The following RARS2 variants were observed in gnomAD, a reference collection of about 807,000 sequenced individuals.
The protein encoded by RARS2 is arginyl-tRNA synthetase 2, mitochondrial.
A neutral mutation model predicts 88.5 loss-of-function variants in RARS2; 67 were observed. The observed-to-expected ratio is 0.76, with a 90% CI of 0.62 to 0.93. RARS2 has a LOEUF of 0.93. Among genes scored for constraint, RARS2 ranks in the 40% least tolerant of loss-of-function variants. The pLI is 0.00. For synonymous variants in RARS2, 239 were observed against 230.3 expected (o/e 1.04, Z -0.34); for missense variants, 664 against 684.2 (o/e 0.97, Z 0.33).
chr6:87,522,037 G>A (rs1774029818), intron 11 of RARS2, among the ~76,000 whole-genome samples: 1 of 152,120 alleles, frequency 6.6e-6, no homozygotes, highest in African/African-American at 2.4e-5. Flanking sequence ...GCATTTAAAA[G>A]ACCATAAAGT....
intron 2 of RARS2, among the ~76,000 whole-genome samples, chr6:87,567,435 T>C (rs969362626): frequency 6.6e-6 from 1 of 152,248 alleles, no homozygotes; most frequent in Admixed American, 6.5e-5. Context: ...ACAGACTTGA[T>C]AGCCATTGGC....
chr6:87,558,595 T>C (rs1450460088), intron 4 of RARS2, among the ~76,000 whole-genome samples: 1 of 152,312 alleles, frequency 6.6e-6, no homozygotes, highest in African/African-American at 2.4e-5. Context: ...ATTAAGACTA[T>C]AATGGAGCTG....
chr6:87,545,814 C>G, intron 6 of RARS2, 115 bp from the exon 7 acceptor site: 1 of 1,236,818 alleles, frequency 8.1e-7, no homozygotes. Flanking sequence ...CTAAATTTAC[C>G]AACTCAATGT....
At chr6:87,547,996 C>T (rs186518749) in intron 6 of RARS2, among the ~76,000 whole-genome samples, 54 of 152,242 alleles carry the variant, frequency 3.5e-4, no homozygotes, top group Admixed American at 1.4e-3. Flanking sequence ...GCTCACATGA[C>T]CGAGGTGAAT....
chr6:87,519,649 T>C lies in RARS2; in HGVS notation c.1171A>G (p.Thr391Ala). 6.2e-7 allele frequency: 1 copy of C among 1,612,926 alleles called. No homozygotes were observed. Among genetic ancestry groups the C allele is most frequent in the Non-Finnish European group, 8.5e-7 (1 of 1,178,898 alleles). The change falls in exon 14 of 20, where the codon ACT becomes GCT. Residue 391 changes from threonine to alanine, a missense_variant. Transcript: ENST00000369536. ...QGMKTRRGDV[T>A]FLEDVLNEIQ... is the part of the protein sequence containing the mutation. ...TCATTTAAAACATCTTCCAGGAAAG[T>C]GACATCTCCTCTTCGAGTCTTCATT...
At position 87,527,702 on chromosome 6, in the gene RARS2, G is replaced by A. The variant is rs1359716099; in HGVS notation, c.878+1840C>T. Among the ~76,000 whole-genome samples the A allele has an allele frequency of 7.9e-5, 12 of 151,722 alleles. No individual in the cohort carries two copies. In the South Asian group the frequency reaches 2.5e-3, roughly 32 times the overall value. On this transcript the variant is annotated intron_variant, in intron 10 of 19. Coordinates refer to ENST00000369536, the MANE Select transcript of RARS2 (RefSeq NM_020320.5). ...AATATATAAGGAACTCAACTCAATG[G>A]AAAAACAACAACAAAAAAACTAAAC...
At chr6:87,524,531 T>C in intron 11 of RARS2, 26 bp downstream of exon 11, 1 of 1,526,480 alleles carries the variant, frequency 6.6e-7, no homozygotes. Context: ...TAGAACCAAA[T>C]GTTGACCCTC....
intron 5 of RARS2, among the ~76,000 whole-genome samples, chr6:87,550,981 A>T (rs1435969739): frequency 6.6e-6 from 1 of 152,068 alleles, no homozygotes; most frequent in Non-Finnish European, 1.5e-5. Context: ...TCTCTTTGTA[A>T]TCTCTGAATT....
intron 11 of RARS2, among the ~76,000 whole-genome samples, chr6:87,522,427 T>C (rs1156559722): frequency 6.6e-6 from 1 of 150,820 alleles, no homozygotes; most frequent in Non-Finnish European, 1.5e-5. Flanking sequence ...AGTTTGCATA[T>C]GAAATAATGA....
intron 8 of RARS2, among the ~76,000 whole-genome samples, chr6:87,533,226 A>G (rs547121605): frequency 3.3e-5 from 5 of 152,110 alleles, no homozygotes; most frequent in Non-Finnish European, 5.9e-5. Flanking sequence ...TTTTAGAAAA[A>G]ACTTCACCAG....
chr6:87,579,709 G>C (rs1044023631), intron 1 of RARS2, among the ~76,000 whole-genome samples: 3 of 135,390 alleles, frequency 2.2e-5, no homozygotes, highest in Non-Finnish European at 4.7e-5. Context: ...ACCGAGCATA[G>C]AGCATGTTTT....
At chr6:87,588,193 T>A (rs17563943) in intron 1 of RARS2, among the ~76,000 whole-genome samples, 1,819 of 152,300 alleles carry the variant, frequency 0.012, 24 homozygotes, top group Non-Finnish European at 0.018. Flanking sequence ...TACACACAGC[T>A]TAGATACTAA....
intron 1 of RARS2, among the ~76,000 whole-genome samples, chr6:87,572,314 AGTTT>A (rs148711410): frequency 2.2e-3 from 335 of 152,328 alleles, no homozygotes; most frequent in African/African-American, 6.6e-3. Flanking sequence ...CCTTTTAAAA[AGTTT>A]GTTTATTTTG....
At chr6:87,524,525 A>G in intron 11 of RARS2, 32 bp downstream of exon 11, 1 of 1,500,880 alleles carries the variant, frequency 6.7e-7, no homozygotes, top group South Asian at 1.1e-5. Context: ...CAGATTTAGA[A>G]CCAAATGTTG....
intron 8 of RARS2, among the ~76,000 whole-genome samples, chr6:87,536,405 G>C (rs1043367344): frequency 1.2e-4 from 18 of 152,096 alleles, no homozygotes; most frequent in Non-Finnish European, 2.5e-4. Context: ...GTGAGGCCAA[G>C]GTGGGCGGAT....
intron 6 of RARS2, among the ~76,000 whole-genome samples, chr6:87,547,949 C>T (rs1295936117): frequency 6.6e-6 from 1 of 152,116 alleles, no homozygotes; most frequent in Non-Finnish European, 1.5e-5. Context: ...CAGAAATAGT[C>T]TTGTTTTAAC....
intron 1 of RARS2, among the ~76,000 whole-genome samples, chr6:87,572,505 T>C (rs1770086498): frequency 6.6e-6 from 1 of 152,200 alleles, no homozygotes; most frequent in African/African-American, 2.4e-5. Flanking sequence ...CATGCAATTC[T>C]CATTTGGAGA....
rs1435620034 is a variant in RARS2, at chr6:87,529,630, C to CAA, written c.788_789dup (p.Asp264LeufsTer18). On this transcript the variant is annotated frameshift_variant, in exon 10 of 20. Coordinates refer to ENST00000369536, the MANE Select transcript of RARS2 (RefSeq NM_020320.5). LOFTEE classifies it high-confidence loss of function. ...TAAAATGATTCTCCTGAATATTCAT[C>CAA]AAAATATACTCCCAGACGCTAAAAG... 3 of 1,603,636 alleles carry CAA rather than the reference C, an allele frequency of 1.9e-6. No homozygotes were observed. Among genetic ancestry groups the CAA allele is most frequent in the Admixed American group, 1.7e-5 (1 of 60,012 alleles).
intron 11 of RARS2, among the ~76,000 whole-genome samples, chr6:87,521,832 T>G (rs1053020636): frequency 2.6e-5 from 4 of 152,208 alleles, no homozygotes; most frequent in African/African-American, 9.6e-5. Context: ...CTGGGTGAAG[T>G]GTCTTGTAGA....
Sources: allele counts gnomAD v4.1 joint callset (sites outside exome capture counted in the v4.1 genomes callset), GRCh38; gene constraint gnomAD v4.1.1; transcripts MANE v1.5; gene names NCBI Gene and HGNC (gene_info 2026-07-23, HGNC 2026-07-21).